Variants in SORL1 observed in about 807,000 individuals in gnomAD.
SORL1 encodes sortilin related receptor 1, also known as sortilin-related receptor.
In SORL1, 127 loss-of-function variants were observed where a neutral mutation model predicts 273.7. That is an observed-to-expected ratio of 0.46 (90% confidence interval 0.40 to 0.54). SORL1 has a LOEUF of 0.54. Ranked by LOEUF, SORL1 falls within the 20% of genes least tolerant of loss-of-function variation. The pLI is 0.00. For synonymous variants in SORL1, 1,031 were observed against 1,067.4 expected (o/e 0.97, Z 0.66); for missense variants, 2,494 against 2,846.1 (o/e 0.88, Z 2.81).
chr11:121,474,774 C>T (rs2134788313), intron 2 of SORL1, among the ~76,000 whole-genome samples: 1 of 152,308 alleles, frequency 6.6e-6, no homozygotes, highest in Admixed American at 6.5e-5. Flanking sequence ...CATGGTGCTG[C>T]CATGAAGAAA....
At chr11:121,517,677 G>T (rs375918168) in intron 8 of SORL1, among the ~76,000 whole-genome samples, 17 of 152,304 alleles carry the variant, frequency 1.1e-4, no homozygotes, top group South Asian at 4.1e-4. Flanking sequence ...AGTCATGAAG[G>T]CCTCCCCTCC....
At chr11:121,572,826 G>A (rs1202046365) in intron 23 of SORL1, among the ~76,000 whole-genome samples, 1 of 152,148 alleles carries the variant, frequency 6.6e-6, no homozygotes. Context: ...CTGCAGTCTT[G>A]TCATTTTGCA....
At chr11:121,565,010 C>G (rs2134918782) in intron 21 of SORL1, among the ~76,000 whole-genome samples, 1 of 152,322 alleles carries the variant, frequency 6.6e-6, no homozygotes, top group African/African-American at 2.4e-5. Flanking sequence ...AGTGGTGGCT[C>G]TATGTCAATT....
rs766367838 is a variant in SORL1, at chr11:121,452,500, G to T, written c.169G>T (p.Glu57Ter). The T allele has an allele frequency of 3.4e-6, 5 of 1,480,208 alleles. No homozygotes were observed. In the African/African-American group the frequency reaches 4.4e-5, roughly 13 times the overall value. 91.7% of individuals were successfully genotyped at this position (1,480,208 alleles called of 1,614,324 possible). Residue 57 changes from glutamate to a stop codon, truncating the protein, a stop_gained, in exon 1 of 48, where the codon GAG becomes TAG. Coordinates refer to ENST00000260197, the MANE Select transcript of SORL1 (RefSeq NM_003105.6). LOFTEE classifies it high-confidence loss of function. The surrounding 1 kb of genome is among the most constrained non-coding windows in gnomAD (Gnocchi z 5.3). ...GFLVVQGDPR[E>*]LRLWARGDAR... is the part of the protein sequence containing the mutation. The stretch of plus-strand genomic sequence containing the variant: ...CCTCGTGGTGCAGGGCGACCCGCGC[G>T]AGCTGCGGCTGTGGGCGCGCGGGGA...
chr11:121,516,219 A>T (rs1359740570), intron 8 of SORL1, among the ~76,000 whole-genome samples: 1 of 152,200 alleles, frequency 6.6e-6, no homozygotes, highest in African/African-American at 2.4e-5. Context: ...TTGTGAAAGT[A>T]TTGCAGAGAT....
At chr11:121,501,449 A>C (rs917338298) in intron 6 of SORL1, among the ~76,000 whole-genome samples, 1 of 152,198 alleles carries the variant, frequency 6.6e-6, no homozygotes, top group Non-Finnish European at 1.5e-5. Flanking sequence ...CAATTTGTGT[A>C]ATGGAAATCA....
chr11:121,497,741 T>A (rs1192922202), intron 6 of SORL1, among the ~76,000 whole-genome samples: 1 of 152,234 alleles, frequency 6.6e-6, no homozygotes, highest in African/African-American at 2.4e-5. Flanking sequence ...CCAGGCCCAG[T>A]CAAGGGCAGG....
chr11:121,496,874 T>C lies in SORL1; in HGVS notation c.764T>C (p.Ile255Thr), dbSNP rs780696821. ...QEHVKSFSWG[I>T]DPYDKPNTIY... ...TTTTTTTTTTTTTCTGCCAGGGGAA[T>C]TGATCCCTATGACAAACCAAATACC... is the stretch of plus-strand genomic sequence containing the variant. Residue 255 changes from isoleucine (I) to threonine (T), a missense_variant, in exon 6 of 48, where the codon ATT (isoleucine) becomes ACT (threonine). Around this residue, in one of 3 missense-constraint regions of SORL1, gnomAD observed 710 missense variants for 882.5 expected, o/e 0.80. Coordinates refer to ENST00000260197, the MANE Select transcript of SORL1 (RefSeq NM_003105.6). 4 of 1,588,412 alleles carry C rather than the reference T, an allele frequency of 2.5e-6. No homozygotes were observed. The highest frequency in any genetic ancestry group is 1.7e-4 in the Middle Eastern group (1 of 5,922).
chr11:121,523,303 G>C (rs1292812630), intron 11 of SORL1, among the ~76,000 whole-genome samples: 1 of 152,142 alleles, frequency 6.6e-6, no homozygotes, highest in Non-Finnish European at 1.5e-5. Flanking sequence ...GGCATGGAGT[G>C]GGGGCTCAGG....
intron 6 of SORL1, among the ~76,000 whole-genome samples, chr11:121,500,937 C>G (rs949546956): frequency 6.6e-6 from 1 of 152,154 alleles, no homozygotes; most frequent in Non-Finnish European, 1.5e-5. Context: ...CAACCTTAAG[C>G]TAATTTGCTC....
At chr11:121,569,584 A>C (rs1046016818) in intron 22 of SORL1, among the ~76,000 whole-genome samples, 6 of 152,192 alleles carry the variant, frequency 3.9e-5, no homozygotes, top group African/African-American at 1.4e-4. Context: ...TAGTGCTCCT[A>C]GGCTTATTAG....
At chr11:121,535,414 G>A (rs1317707506) in intron 12 of SORL1, among the ~76,000 whole-genome samples, 1 of 152,234 alleles carries the variant, frequency 6.6e-6, no homozygotes, top group African/African-American at 2.4e-5. Context: ...ACAATGAAGC[G>A]GATGCTGTGC....
In SORL1 at chr11:121,529,743, C is replaced by CT. The variant is rs1330418126; in HGVS notation, c.1597-2715dup. 2.6e-5 allele frequency among the ~76,000 whole-genome samples: 4 copies of CT among 152,196 alleles called. No individual in the cohort carries two copies. In the East Asian group the frequency reaches 7.7e-4, roughly 29 times the overall value. ...CTAGACAACATATAGTAGGGTCTTG[C>CT]TTTTTTACTCATTCTGCCAAGCTCT... On this transcript the variant is annotated intron_variant, in intron 11 of 47. Coordinates refer to ENST00000260197, the MANE Select transcript of SORL1 (RefSeq NM_003105.6).
intron 6 of SORL1, among the ~76,000 whole-genome samples, chr11:121,504,882 T>G (rs11501161): frequency 0.074 from 11,242 of 152,170 alleles, 502 homozygotes; most frequent in East Asian, 0.14. Context: ...CATGGGTTGT[T>G]GAGTGTTTTT....
intron 26 of SORL1, among the ~76,000 whole-genome samples, chr11:121,584,651 G>A (rs993422798): frequency 6.6e-6 from 1 of 151,894 alleles, no homozygotes; most frequent in African/African-American, 2.4e-5. Context: ...GAGTATAGTA[G>A]TATGATTGTG....
In SORL1 at chr11:121,493,097, C is replaced by T. The variant is rs529956855; in HGVS notation, c.758+2987C>T. 5.3e-5 allele frequency among the ~76,000 whole-genome samples: 8 copies of T among 152,056 alleles called. No homozygotes were observed. The East Asian group carries it at 1.4e-3, about 26-fold the overall frequency. Reference sequence around the variant, plus strand: ...GGGCTCAAGTGATCCTCCCACCTCACCCTCTCAAGTAGCTAGGACTACAGG... The same window carrying T: ...GGGCTCAAGTGATCCTCCCACCTCATCCTCTCAAGTAGCTAGGACTACAGG... On this transcript the variant is annotated intron_variant, in intron 5 of 47. Transcript: ENST00000260197.
At chr11:121,488,769 A>G (rs1172101033) in intron 4 of SORL1, among the ~76,000 whole-genome samples, 2 of 152,232 alleles carry the variant, frequency 1.3e-5, no homozygotes, top group Non-Finnish European at 2.9e-5. Context: ...CTCAAGGTTG[A>G]AGCTTGCCAA....
In SORL1 at chr11:121,550,651, G is replaced by A; in HGVS notation, c.2247G>A (p.Leu749=). 2 of 1,613,880 alleles carry A rather than the reference G, an allele frequency of 1.2e-6. No homozygotes were observed. Among genetic ancestry groups the A allele is most frequent in the South Asian group, 1.1e-5 (1 of 91,072 alleles). ...GDVEARLEGE[L]VPCPLAEENE... is the part of the protein sequence containing the mutation. ...TTGAAGCGCGACTGGAAGGAGAGCT[G>A]GTCCCCTGTCCCCTGGCAGGTAAGA... Residue 749 remains leucine, a synonymous_variant, in exon 16 of 48, where the codon CTG becomes CTA. Coordinates refer to ENST00000260197, the MANE Select transcript of SORL1 (RefSeq NM_003105.6). This position sits in a 1 kb window ranked among gnomAD's most constrained non-coding sequence, Gnocchi z 5.3.
At chr11:121,604,873 T>C (rs1316478294) in intron 33 of SORL1, among the ~76,000 whole-genome samples, 1 of 152,178 alleles carries the variant, frequency 6.6e-6, no homozygotes, top group Non-Finnish European at 1.5e-5. Context: ...ATCTAGATCA[T>C]GGTAGTTCTG....
Sources: gnomAD v4.1 joint callset for allele counts (sites outside exome capture counted in the v4.1 genomes callset) on GRCh38, gnomAD v4.1.1 for gene constraint, gnomAD v4.1.1 regional missense constraint, Gnocchi (gnomAD v3.1) non-coding constraint, MANE v1.5 for transcripts, NCBI Gene and HGNC (gene_info 2026-07-23, HGNC 2026-07-21) for gene names.